COPRS: variants seen among roughly 807,000 people sequenced by gnomAD.
COPRS encodes cooperator of PRMT5.
In COPRS, 11 loss-of-function variants were observed where a neutral mutation model predicts 19.9. That is an observed-to-expected ratio of 0.55 (90% CI 0.35 to 0.92). The LOEUF (loss-of-function observed/expected upper bound fraction) is 0.92. Ranked by LOEUF, COPRS falls within the 40% of genes least tolerant of loss-of-function variation. The pLI is 0.01. For synonymous variants in COPRS, 81 were observed against 82.7 expected (o/e 0.98, Z 0.11); for missense variants, 225 against 229.9 (o/e 0.98, Z 0.14).
chr17:31,852,922 T>C lies in COPRS; in HGVS notation c.275A>G (p.Asn92Ser). The C allele has an allele frequency of 6.2e-7, 1 of 1,614,112 alleles. No individual in the cohort carries two copies. Among genetic ancestry groups the C allele is most frequent in the Non-Finnish European group, 8.5e-7 (1 of 1,179,914 alleles). Residue 92 changes from asparagine (N) to serine (S), a missense_variant, in exon 3 of 4, where the codon AAT becomes AGT. Physicochemically the swap from Asn to Ser is conservative, Grantham distance 46. Coordinates refer to ENST00000302362, the MANE Select transcript of COPRS (RefSeq NM_018405.4). ...MDEEDSDGEL[N>S]TWELSEGTNC... ...TGTCCCTTCTGACAGCTCCCAGGTA[T>C]TCAGTTCTCCATCAGAGTCCTCCTC... is the stretch of plus-strand genomic sequence containing the variant.
At chr17:31,853,080 G>T in intron 2 of COPRS, 50 bp from the exon 3 acceptor site, 1 of 1,378,280 alleles carries the variant, frequency 7.3e-7, no homozygotes, top group Non-Finnish European at 1.0e-6. Flanking sequence ...AAGAGGACCT[G>T]CTCTGTGCTC....
rs1177663474 is a variant in COPRS, at chr17:31,858,523, G to A, written c.99+578C>T. 4 of 512,382 alleles carry A rather than the reference G, an allele frequency of 7.8e-6. No homozygotes were observed. In the African/African-American group the frequency reaches 8.3e-5, roughly 11 times the overall value. The allele number at this position is 512,382 out of a possible 1,614,324, so 31.7% of individuals were successfully genotyped here. On this transcript the variant is annotated intron_variant, in intron 1 of 3. Coordinates refer to ENST00000302362, the MANE Select transcript of COPRS (RefSeq NM_018405.4). ...CTAGCCGGTACAGACTGTAAACAAG[G>A]ACAGGTAAGAACTGTAATAACGGTC...
At position 31,856,908 on chromosome 17, in the gene COPRS, G is replaced by A. The variant is rs375125550; in HGVS notation, c.100-43C>T. The stretch of plus-strand genomic sequence containing the variant: ...GATTACCAAGGACTTGGGTATCTGG[G>A]GTATGCCCAGTATTCAGCTATTGCA... On this transcript the variant is annotated intron_variant, in intron 1 of 3. Coordinates refer to ENST00000302362, the MANE Select transcript of COPRS (RefSeq NM_018405.4). 7.4e-6 allele frequency: 9 copies of A among 1,216,712 alleles called. No homozygotes were observed. The African/African-American group carries it at 1.4e-4, about 18-fold the overall frequency. The allele number at this position is 1,216,712 out of a possible 1,614,324, so 75.4% of individuals were successfully genotyped here. A position where few individuals can be genotyped will look rare whatever the true frequency, so the allele number is the denominator to read the frequency against.
chr17:31,855,788 G>C (rs978490878), intron 2 of COPRS, among the ~76,000 whole-genome samples: 1 of 152,070 alleles, frequency 6.6e-6, no homozygotes, highest in Non-Finnish European at 1.5e-5. Flanking sequence ...GTGAGGTCAG[G>C]AGTTCGAGAC....
In COPRS at chr17:31,852,895, T is replaced by C; in HGVS notation, c.302A>G (p.Asn101Ser). Residue 101 changes from asparagine (N) to serine (S), a missense_variant, in exon 3 of 4, where the codon AAC (asparagine) becomes AGC (serine). By Grantham distance (46) the Asn-to-Ser change is conservative. This residue lies in a region of COPRS where 170 missense variants were observed against 171.4 expected (regional missense o/e 0.99). Coordinates refer to ENST00000302362, the MANE Select transcript of COPRS (RefSeq NM_018405.4). ...GCCAGGCTGTTCCTTGGGTGGACAG[T>C]TTGTCCCTTCTGACAGCTCCCAGGT... ...LNTWELSEGT[N>S]CPPKEQPGDL... 6.2e-7 allele frequency: 1 copy of C among 1,614,100 alleles called. No individual in the cohort carries two copies.
Position 31,856,780 on chromosome 17 carries a change from G to A in COPRS, c.166+19C>T, listed in dbSNP as rs367630004. ...CACATCCTTGGTCTCCCCAACTTCCGTCTCTGCCATCTACTTGCCTAGTCG... is the reference window on the plus strand; with the variant it reads ...CACATCCTTGGTCTCCCCAACTTCCATCTCTGCCATCTACTTGCCTAGTCG... On this transcript the variant is annotated intron_variant, in intron 2 of 3. Transcript: ENST00000302362. 2.5e-5 allele frequency: 38 copies of A among 1,525,620 alleles called. No individual in the cohort carries two copies. The highest frequency in any genetic ancestry group is 8.2e-5 in the African/African-American group (6 of 73,044). The allele number at this position is 1,525,620 out of a possible 1,614,324, so 94.5% of individuals were successfully genotyped here.
chr17:31,858,730 G>A, intron 1 of COPRS: 1 of 1,547,802 alleles, frequency 6.5e-7, no homozygotes, highest in Non-Finnish European at 8.7e-7. Flanking sequence ...GGTCTGTAAA[G>A]TCAAGTCCCT....
chr17:31,854,203 ACAAAAAATT>A (rs1183346054), intron 2 of COPRS, among the ~76,000 whole-genome samples: 2 of 151,924 alleles, frequency 1.3e-5, no homozygotes, highest in Admixed American at 1.3e-4. Context: ...CCCTGTCTCT[ACAAAAAATT>A]CAAAAAATTT....
chr17:31,855,618 A>G (rs1909318782), intron 2 of COPRS, among the ~76,000 whole-genome samples: 1 of 151,908 alleles, frequency 6.6e-6, no homozygotes, highest in African/African-American at 2.4e-5. Context: ...CCCGGGAGAC[A>G]GAGGTTGCAG....
intron 2 of COPRS, chr17:31,856,504 G>A (rs1285634107): frequency 2.5e-6 from 1 of 405,114 alleles, no homozygotes; most frequent in Non-Finnish European, 4.4e-6. Context: ...CATCCATTGG[G>A]GCGGGGGGGT....
chr17:31,855,450 T>C (rs1909310381), intron 2 of COPRS, among the ~76,000 whole-genome samples: 1 of 152,058 alleles, frequency 6.6e-6, no homozygotes, highest in East Asian at 1.9e-4. Context: ...GAGTTTGCAG[T>C]GAGCCGAGAT....
At position 31,852,099 on chromosome 17, in the gene COPRS, C is replaced by T. The variant is rs753690350; in HGVS notation, c.*40G>A. ...TCCAAGACAGGAAAAGAGATCTTGA[C>T]GTGGAGGCCCGCCCACCTACAAGGC... On this transcript the variant is annotated 3_prime_UTR_variant, in exon 4 of 4. Transcript: ENST00000302362. 3.1e-6 allele frequency: 5 copies of T among 1,610,942 alleles called. No homozygotes were observed. The highest frequency in any genetic ancestry group is 2.2e-5 in the East Asian group (1 of 44,852).
At chr17:31,852,660 A>G (rs1909200647) in intron 3 of COPRS, 152 bp downstream of exon 3, 1 of 698,182 alleles carries the variant, frequency 1.4e-6, no homozygotes, top group African/African-American at 1.8e-5. Context: ...TTTTCAATAT[A>G]AAAGAGAAGG....
chr17:31,855,967 C>G (rs1321968438), intron 2 of COPRS, among the ~76,000 whole-genome samples: 2 of 138,422 alleles, frequency 1.4e-5, no homozygotes, highest in Admixed American at 7.3e-5. Flanking sequence ...GCACTCCAGC[C>G]TGGGCAACAA....
chr17:31,859,233 C>T lies in COPRS; in HGVS notation c.-34G>A, dbSNP rs1472931742. On this transcript the variant is annotated 5_prime_UTR_variant, in exon 1 of 4. Coordinates refer to ENST00000302362, the MANE Select transcript of COPRS (RefSeq NM_018405.4). ...GCCCGCGGCTGGTCGCCCTGGACGC[C>T]GTGGGCCACGTGACGCGCCGGCCCG... The T allele has an allele frequency of 1.3e-5, 12 of 929,604 alleles. No individual in the cohort carries two copies. Among genetic ancestry groups the T allele is most frequent in the African/African-American group, 1.8e-5 (1 of 56,366 alleles). 57.6% of individuals were successfully genotyped at this position (929,604 alleles called of 1,614,324 possible).
chr17:31,857,288 G>A (rs575323193), intron 1 of COPRS, among the ~76,000 whole-genome samples: 2 of 152,294 alleles, frequency 1.3e-5, no homozygotes, highest in African/African-American at 4.8e-5. Flanking sequence ...GCTCTGCAGA[G>A]CCTTTTCCCT....
At chr17:31,858,386 A>G in intron 1 of COPRS, 1 of 985,404 alleles carries the variant, frequency 1.0e-6, no homozygotes, top group Non-Finnish European at 1.2e-6. Flanking sequence ...GCTAAGTACC[A>G]TCTTTGAGGC....
At chr17:31,852,550 A>G (rs562151784) in intron 3 of COPRS, among the ~76,000 whole-genome samples, 5 of 152,346 alleles carry the variant, frequency 3.3e-5, no homozygotes, top group African/African-American at 1.2e-4. Flanking sequence ...CAGCACTTCT[A>G]TCTGCAGCTG....
intron 1 of COPRS, chr17:31,858,767 G>C (rs1466723286): frequency 6.4e-7 from 1 of 1,550,530 alleles, no homozygotes; most frequent in Middle Eastern, 1.7e-4. Context: ...CCTGGCCCTC[G>C]CCCAGGCTCC....
Sources: allele counts gnomAD v4.1 joint callset (sites outside exome capture counted in the v4.1 genomes callset), GRCh38; gene constraint gnomAD v4.1.1; regional missense constraint gnomAD v4.1.1; transcripts MANE v1.5; gene names NCBI Gene and HGNC (gene_info 2026-07-23, HGNC 2026-07-21).